The following CCPG1 variants were observed in gnomAD, a reference collection of about 807,000 sequenced individuals.
CCPG1 encodes cell cycle progression 1.
CCPG1 carries 46 observed loss-of-function variants against 81.3 expected under a neutral mutation model. The observed-to-expected ratio is 0.57, with a 90% confidence interval of 0.45 to 0.72. The LOEUF is 0.72. Ranked by LOEUF, CCPG1 falls within the 30% of genes least tolerant of loss-of-function variation. The pLI, the probability that CCPG1 is intolerant of heterozygous loss-of-function variation, is 0.00. For synonymous variants in CCPG1, 330 were observed against 305.2 expected, an observed-to-expected ratio of 1.08 and a Z score of -0.85; for missense variants, 902 against 937.6, an observed-to-expected ratio of 0.96 and a Z score of 0.50.
At chr15:55,358,436 C>T (rs2056126934) in intron 8 of CCPG1, 1 of 985,426 alleles carries the variant, frequency 1.0e-6, no homozygotes, top group Non-Finnish European at 1.2e-6. Flanking sequence ...CCATGTCCTA[C>T]AGGACAAAAC....
In CCPG1 at chr15:55,365,317, A is replaced by G. The variant is rs774904906; in HGVS notation, c.707-8T>C. 2.0e-6 allele frequency: 3 copies of G among 1,488,240 alleles called. No individual in the cohort carries two copies. In the East Asian group the frequency reaches 6.8e-5, roughly 34 times the overall value. The allele number at this position is 1,488,240 out of a possible 1,614,324, so 92.2% of individuals were successfully genotyped here. On this transcript the variant is annotated splice_region_variant and splice_polypyrimidine_tract_variant and intron_variant, in intron 6 of 8. Coordinates refer to ENST00000442196, the MANE Select transcript of CCPG1 (RefSeq NM_001204450.2). ...TCTGAATCTGAATTGTGCCTAAAAT[A>G]AATATTTTTATTAAAGGTATGTAAC... is the stretch of plus-strand genomic sequence containing the variant.
rs532758310 is a variant in CCPG1 at position 55,400,423 on chromosome 15, G to A, written c.-10+7798C>T. Among the ~76,000 whole-genome samples the A allele has an allele frequency of 1.4e-3, 217 of 151,874 alleles. 2 individuals are homozygous for A. Among genetic ancestry groups the A allele is most frequent in the South Asian group, 7.7e-3 (37 of 4,798 alleles). Reference sequence around the variant, plus strand: ...CTTGGGAGGCTGAGGCAGAAGAATCGCTTGAGCCCAGGAGGTGGGGGTTGC... The same window carrying A: ...CTTGGGAGGCTGAGGCAGAAGAATCACTTGAGCCCAGGAGGTGGGGGTTGC... On this transcript the variant is annotated intron_variant, in intron 1 of 8. Coordinates refer to ENST00000442196, the MANE Select transcript of CCPG1 (RefSeq NM_001204450.2).
intron 2 of CCPG1, 121 bp from the exon 3 acceptor site, chr15:55,385,835 C>G (rs983054946): frequency 5.7e-5 from 38 of 669,982 alleles, no homozygotes; most frequent in Non-Finnish European, 1.0e-4. Context: ...TCCAAAGGAA[C>G]AGTATCTAAT....
chr15:55,355,997 T>C lies in CCPG1; in HGVS notation c.*223A>G, dbSNP rs1284623236. 14 of 507,486 alleles carry C rather than the reference T, an allele frequency of 2.8e-5. No homozygotes were observed. The highest frequency in any genetic ancestry group is 4.1e-5 in the Non-Finnish European group (12 of 292,274). 31.4% of individuals were successfully genotyped at this position (507,486 alleles called of 1,614,324 possible). A position where few individuals can be genotyped will look rare whatever the true frequency, so the allele number is the denominator to read the frequency against. ...TCCTTAATAAAACTACAGTTGAACA[T>C]TTCCAGTGTCAAAAAAAATTCAACG... On this transcript the variant is annotated 3_prime_UTR_variant, in exon 9 of 9. Coordinates refer to ENST00000442196, the MANE Select transcript of CCPG1 (RefSeq NM_001204450.2).
At chr15:55,369,333 C>T (rs935091324) in intron 6 of CCPG1, among the ~76,000 whole-genome samples, 1 of 152,042 alleles carries the variant, frequency 6.6e-6, no homozygotes, top group Admixed American at 6.5e-5. Context: ...GTCAGGAGTT[C>T]GAGACCAGCC....
In CCPG1 at chr15:55,360,889, G is replaced by T; in HGVS notation, c.884C>A (p.Ser295Tyr). 6.3e-7 allele frequency: 1 copy of T among 1,598,816 alleles called. No homozygotes were observed. The highest frequency in any genetic ancestry group is 2.2e-5 in the East Asian group (1 of 44,818). ...CWTLTEAEKM[S>Y]FETQKTNLAT... ...AAGGTTCGTTTTCTGAGTTTCAAAGGACATCTTCTCTGCTTCAGTAAGTGT... is the reference window on the plus strand; with the variant it reads ...AAGGTTCGTTTTCTGAGTTTCAAAGTACATCTTCTCTGCTTCAGTAAGTGT... The change falls in exon 8 of 9, where the codon TCC (serine) becomes TAC (tyrosine). Residue 295 changes from serine (S) to tyrosine (Y), a missense_variant. Physicochemically the swap from Ser to Tyr is moderately radical, Grantham distance 144. This residue lies in a region of CCPG1 where 746 missense variants were observed against 728.6 expected (regional missense o/e 1.02). Coordinates refer to ENST00000442196, the MANE Select transcript of CCPG1 (RefSeq NM_001204450.2).
At chr15:55,369,534 C>CA (rs765401273) in intron 6 of CCPG1, among the ~76,000 whole-genome samples, 486 of 129,546 alleles carry the variant, frequency 3.8e-3, no homozygotes, top group Non-Finnish European at 4.5e-3. Context: ...AACTCTGTCT[C>CA]AAAAAAAAAA....
chr15:55,388,507 G>C (rs559078299), intron 2 of CCPG1, among the ~76,000 whole-genome samples: 3 of 152,120 alleles, frequency 2.0e-5, no homozygotes, highest in South Asian at 2.1e-4. Flanking sequence ...CTATTTTCTA[G>C]CTGCATAATC....
At chr15:55,401,128 ATTTT>A (rs932268857) in intron 1 of CCPG1, among the ~76,000 whole-genome samples, 2 of 151,652 alleles carry the variant, frequency 1.3e-5, no homozygotes, top group African/African-American at 4.8e-5. Flanking sequence ...ATGCATTTGG[ATTTT>A]TTTTCTTTTG....
intron 8 of CCPG1, chr15:55,357,136 C>T (rs77400550): frequency 0.038 from 36,785 of 977,486 alleles, 787 homozygotes; most frequent in Non-Finnish European, 0.041. Flanking sequence ...CCAACTAACC[C>T]TCTCCACTTG....
intron 1 of CCPG1, among the ~76,000 whole-genome samples, chr15:55,407,639 G>A (rs2057263177): frequency 6.6e-6 from 1 of 152,194 alleles, no homozygotes; most frequent in Non-Finnish European, 1.5e-5. Flanking sequence ...AGGACAAATC[G>A]ATTAGGGAGA....
chr15:55,362,656 G>A (rs2056227206), intron 7 of CCPG1, among the ~76,000 whole-genome samples: 1 of 152,180 alleles, frequency 6.6e-6, no homozygotes, highest in Non-Finnish European at 1.5e-5. Flanking sequence ...GTTGACATAA[G>A]TGATTGATAA....
intron 2 of CCPG1, among the ~76,000 whole-genome samples, chr15:55,388,772 A>G (rs1039309765): frequency 6.6e-6 from 1 of 151,376 alleles, no homozygotes; most frequent in African/African-American, 2.4e-5. Flanking sequence ...CCTTTAAAAA[A>G]AAAAAAAGAC....
Position 55,360,773 on chromosome 15 carries a change from G to T in CCPG1, c.1000C>A (p.Gln334Lys). 1 of 1,612,148 alleles carries T rather than the reference G, an allele frequency of 6.2e-7. No homozygotes were observed. Among genetic ancestry groups the T allele is most frequent in the South Asian group, 1.1e-5 (1 of 90,552 alleles). Residue 334 changes from glutamine (Q) to lysine (K), a missense_variant, in exon 8 of 9, where the codon CAG becomes AAG. Gln to Lys is a moderately conservative substitution (Grantham distance 53). This residue lies in a region of CCPG1 where 746 missense variants were observed against 728.6 expected (regional missense o/e 1.02). Coordinates refer to ENST00000442196, the MANE Select transcript of CCPG1 (RefSeq NM_001204450.2). ...CCTTTATCTTCCAATATTCTAATCT[G>T]TTCTCTTAGTTTGTTTAACTCTTCC... ...LQEELNKLRE[Q>K]IRILEDKGTS... is the part of the protein sequence containing the mutation.
chr15:55,360,760 A>C lies in CCPG1; in HGVS notation c.1013T>G (p.Leu338Trp). ...LNKLREQIRI[L>W]EDKGTSTELV... ...TTCAGTACTTGTCCCTTTATCTTCC[A>C]ATATTCTAATCTGTTCTCTTAGTTT... Residue 338 changes from leucine (L) to tryptophan (W), a missense_variant, in exon 8 of 9, where the codon TTG becomes TGG. This residue lies in a region of CCPG1 where 746 missense variants were observed against 728.6 expected (regional missense o/e 1.02). Transcript: ENST00000442196. 6.2e-7 allele frequency: 1 copy of C among 1,611,592 alleles called. No individual in the cohort carries two copies. The highest frequency in any genetic ancestry group is 8.5e-7 in the Non-Finnish European group (1 of 1,179,418).
chr15:55,380,385 T>A (rs2056659851), intron 3 of CCPG1, among the ~76,000 whole-genome samples: 1 of 151,256 alleles, frequency 6.6e-6, no homozygotes, highest in Non-Finnish European at 1.5e-5. Flanking sequence ...AAGCTCCGCC[T>A]CCCGGGTTCA....
At chr15:55,371,729 CT>C in intron 6 of CCPG1, 63 bp downstream of exon 6, 2 of 1,477,060 alleles carry the variant, frequency 1.4e-6, no homozygotes. Context: ...CCCAAGAGTC[CT>C]CACTCTTAAG....
intron 3 of CCPG1, among the ~76,000 whole-genome samples, chr15:55,383,312 C>G (rs1398470323): frequency 6.6e-6 from 1 of 152,170 alleles, no homozygotes; most frequent in Non-Finnish European, 1.5e-5. Context: ...TTCAGTAAAC[C>G]ATGTTGTAAA....
At position 55,374,268 on chromosome 15, in the gene CCPG1, G is replaced by GA. The variant is rs1440513374; in HGVS notation, c.455-2225dup. On this transcript the variant is annotated intron_variant, in intron 5 of 8. Transcript: ENST00000442196. ...CCACCTTTCTTTTGTGAATAAACAGGAAAAAAAGAGGCATAAAGCTATATT... is the reference window on the plus strand; with the variant it reads ...CCACCTTTCTTTTGTGAATAAACAGGAAAAAAAAGAGGCATAAAGCTATATT... 2.5e-6 allele frequency: 3 copies of GA among 1,192,158 alleles called. No homozygotes were observed. In the African/African-American group the frequency reaches 4.8e-5, roughly 19 times the overall value. The allele number at this position is 1,192,158 out of a possible 1,614,324, so 73.8% of individuals were successfully genotyped here.
Sources: gnomAD v4.1 joint callset for allele counts (sites outside exome capture counted in the v4.1 genomes callset) on GRCh38, gnomAD v4.1.1 for gene constraint, gnomAD v4.1.1 regional missense constraint, MANE v1.5 for transcripts, NCBI Gene and HGNC (gene_info 2026-07-23, HGNC 2026-07-21) for gene names.